Variants in FGF13 observed in about 807,000 individuals in gnomAD.
FGF13 encodes the protein fibroblast growth factor homologous factor 2.
A neutral mutation model predicts 19.5 loss-of-function variants in FGF13; 2 were observed. That is an observed-to-expected ratio of 0.10 (90% CI 0.04 to 0.32). FGF13 has a LOEUF of 0.32. Ranked by LOEUF, FGF13 falls within the 10% of genes least tolerant of loss-of-function variation. FGF13 has a pLI of 1.00. For missense variants in FGF13, 113 were observed against 192.7 expected (o/e 0.59, Z 2.45); for synonymous variants, 72 against 76.9 (o/e 0.94, Z 0.33).
chrX:138,980,438 T>C (rs17001896), intron 1 of FGF13, among the ~76,000 whole-genome samples: 3,164 of 111,991 alleles, frequency 0.028, 128 homozygotes, highest in African/African-American at 0.096. Context: ...TCATGAGTGA[T>C]GATCAATAAT....
At chrX:138,851,561 C>T (rs1193290600) in intron 3 of FGF13, among the ~76,000 whole-genome samples, 1 of 111,571 alleles carries the variant, frequency 9.0e-6, no homozygotes, top group Non-Finnish European at 1.9e-5. Flanking sequence ...ATGGAAGGAA[C>T]ATACCTCAAA....
At chrX:138,781,298 G>A (rs780646955) in intron 3 of FGF13, among the ~76,000 whole-genome samples, 1 of 108,468 alleles carries the variant, frequency 9.2e-6, no homozygotes, top group East Asian at 2.9e-4. Context: ...CTAGCAGAAG[G>A]CAAGAAATAA....
At chrX:138,739,311 C>T (rs1286880529) in exon 1 of FGF13, 5 of 1,187,480 alleles carry the variant, frequency 4.2e-6, no homozygotes, top group Non-Finnish European at 5.7e-6. Flanking sequence ...TTGCTGTCTA[C>T]ATTTGGAGCA....
chrX:139,082,390 T>C (rs747246443), intron 1 of FGF13, among the ~76,000 whole-genome samples: 16 of 111,910 alleles, frequency 1.4e-4, no homozygotes, highest in East Asian at 2.8e-4. Flanking sequence ...CCAAACTTCA[T>C]GTCCACGTAG....
intron 1 of FGF13, among the ~76,000 whole-genome samples, chrX:138,884,801 C>T (rs1006078750): frequency 8.9e-6 from 1 of 111,793 alleles, no homozygotes; most frequent in African/African-American, 3.3e-5. Flanking sequence ...AAGGAGGCAT[C>T]TAATGGGACC....
intron 3 of FGF13, among the ~76,000 whole-genome samples, chrX:138,648,578 G>C (rs972298576): frequency 3.2e-4 from 36 of 111,661 alleles, no homozygotes; most frequent in African/African-American, 1.1e-3. Flanking sequence ...AGGTCACAAG[G>C]AGTATGTAAC....
intron 1 of FGF13, among the ~76,000 whole-genome samples, chrX:139,183,887 G>T (rs765744827): frequency 9.0e-6 from 1 of 111,272 alleles, no homozygotes; most frequent in East Asian, 2.9e-4. Flanking sequence ...ACTACTCAAT[G>T]CAAGTGGCTC....
intron 1 of FGF13, among the ~76,000 whole-genome samples, chrX:139,032,461 T>C: frequency 8.9e-6 from 1 of 111,796 alleles, no homozygotes; most frequent in Non-Finnish European, 1.9e-5. Context: ...TTTATCTCTA[T>C]ACTTCTAGCA....
At chrX:138,835,318 A>G (rs2091104014) in intron 3 of FGF13, among the ~76,000 whole-genome samples, 1 of 112,107 alleles carries the variant, frequency 8.9e-6, no homozygotes, top group Non-Finnish European at 1.9e-5. Flanking sequence ...AACTTGTTTT[A>G]TGAATCTGGG....
At chrX:138,824,841 A>G (rs1195243636) in intron 3 of FGF13, among the ~76,000 whole-genome samples, 1 of 111,578 alleles carries the variant, frequency 9.0e-6, no homozygotes, top group African/African-American at 3.3e-5. Context: ...CATGGCCCCT[A>G]AGGAAAAGGA....
intron 3 of FGF13, among the ~76,000 whole-genome samples, chrX:138,830,434 A>T (rs763432496): frequency 1.5e-4 from 17 of 111,931 alleles, no homozygotes; most frequent in African/African-American, 4.5e-4. Context: ...ATATAATTTT[A>T]AAAAACTTGG....
chrX:138,960,778 C>T (rs1288292204), intron 1 of FGF13, among the ~76,000 whole-genome samples: 1 of 111,401 alleles, frequency 9.0e-6, no homozygotes, highest in African/African-American at 3.3e-5. Context: ...TCACTGATAC[C>T]CTTTCTTCCA....
Position 138,616,626 on chromosome X carries a change from C to A in FGF13, c.*16224G>T, listed in dbSNP as rs2088970121. The A allele has an allele frequency of 8.9e-6, 1 of 112,389 alleles. No individual in the cohort carries two copies. The highest frequency in any genetic ancestry group is 1.9e-5 in the Non-Finnish European group (1 of 53,269). 9.3% of individuals were successfully genotyped at this position (112,389 alleles called of 1,213,427 possible). Reference sequence around the variant, plus strand: ...TTCTCAGAGCTCCACTATACAGTGCCCCAGTGAAGACTCTGTGGGGGAGCT... The same window carrying A: ...TTCTCAGAGCTCCACTATACAGTGCACCAGTGAAGACTCTGTGGGGGAGCT... On this transcript the variant is annotated 3_prime_UTR_variant, in exon 5 of 5. Transcript: ENST00000315930.
At chrX:139,136,710 C>T (rs1422068230) in intron 1 of FGF13, among the ~76,000 whole-genome samples, 5 of 111,906 alleles carry the variant, frequency 4.5e-5, no homozygotes, top group Non-Finnish European at 9.4e-5. Flanking sequence ...TGTGACAACA[C>T]ATGGGAAATG....
At chrX:138,838,596 G>A (rs1043851140) in intron 3 of FGF13, among the ~76,000 whole-genome samples, 8 of 112,155 alleles carry the variant, frequency 7.1e-5, no homozygotes, top group African/African-American at 2.6e-4. Flanking sequence ...CATGGGTTGA[G>A]TTGTTTCCTT....
chrX:138,784,502 T>A (rs975068777), intron 3 of FGF13, among the ~76,000 whole-genome samples: 1 of 110,312 alleles, frequency 9.1e-6, no homozygotes, highest in Non-Finnish European at 1.9e-5. Context: ...TCTATCCCTA[T>A]TTTACTTGAT....
At chrX:138,999,762 G>A (rs976058850) in intron 1 of FGF13, among the ~76,000 whole-genome samples, 5 of 112,038 alleles carry the variant, frequency 4.5e-5, no homozygotes, top group African/African-American at 1.6e-4. Flanking sequence ...GAGGTAGAAA[G>A]AGGAGCTGGT....
chrX:138,955,693 GAA>G (rs2091837765), intron 1 of FGF13, among the ~76,000 whole-genome samples: 1 of 111,977 alleles, frequency 8.9e-6, no homozygotes, highest in African/African-American at 3.2e-5. Context: ...TGGATAGGCT[GAA>G]GTTATCTCTA....
chrX:139,145,101 C>T (rs920569600), intron 1 of FGF13, among the ~76,000 whole-genome samples: 2 of 111,691 alleles, frequency 1.8e-5, no homozygotes, highest in Admixed American at 9.5e-5. Context: ...TAATGGAGGA[C>T]AGCTGGATTC....
Sources: gnomAD v4.1 joint callset for allele counts (sites outside exome capture counted in the v4.1 genomes callset) on GRCh38, gnomAD v4.1.1 for gene constraint, MANE v1.5 for transcripts, NCBI Gene and HGNC (gene_info 2026-07-23, HGNC 2026-07-21) for gene names.